CLIC5: variants seen among roughly 807,000 people sequenced by gnomAD.
CLIC5 encodes the protein CLIC family member 5.
CLIC5 carries 20 observed loss-of-function variants against 24.7 expected under a neutral mutation model. That is an observed-to-expected ratio of 0.81 (90% CI 0.57 to 1.18). CLIC5 has a LOEUF of 1.18. CLIC5 is among the 50% of genes most tolerant of loss of function. CLIC5 has a pLI of 0.00. For synonymous variants in CLIC5, 159 were observed against 135.6 expected (o/e 1.17, Z -1.20); for missense variants, 341 against 326.1 (o/e 1.05, Z -0.35).
chr6:46,066,539 C>T (rs1225664267), intron 1 of CLIC5, among the ~76,000 whole-genome samples: 4 of 152,016 alleles, frequency 2.6e-5, no homozygotes, highest in African/African-American at 9.7e-5. Context: ...AACTATCCCC[C>T]GCCCCCCATA....
At chr6:46,056,123 T>C (rs1419873150) in intron 1 of CLIC5, among the ~76,000 whole-genome samples, 1 of 152,118 alleles carries the variant, frequency 6.6e-6, no homozygotes, top group Non-Finnish European at 1.5e-5. Context: ...TAAAAAATAG[T>C]AAAAACTGAG....
At chr6:46,036,918 A>G (rs1351761796) in intron 1 of CLIC5, among the ~76,000 whole-genome samples, 1 of 152,252 alleles carries the variant, frequency 6.6e-6, no homozygotes, top group Admixed American at 6.5e-5. Context: ...TTAAAATAAG[A>G]TAATTAAAGT....
chr6:46,030,011 C>T (rs1292640425), intron 1 of CLIC5, among the ~76,000 whole-genome samples: 1 of 152,148 alleles, frequency 6.6e-6, no homozygotes, highest in Non-Finnish European at 1.5e-5. Flanking sequence ...AGGGGAGGCT[C>T]ATGAAGGTCC....
intron 1 of CLIC5, among the ~76,000 whole-genome samples, chr6:45,984,906 C>G (rs1226496872): frequency 1.3e-5 from 2 of 152,148 alleles, no homozygotes; most frequent in Non-Finnish European, 2.9e-5. Flanking sequence ...TGTCTTAATA[C>G]CAGGGAAACA....
At chr6:46,093,417 C>T in the CLIC5 span, among the ~76,000 whole-genome samples, 41 of 152,258 alleles carry the variant, frequency 2.7e-4, 1 homozygote, top group East Asian at 2.9e-3. Flanking sequence ...CTGTATTTCT[C>T]GGCATATCCA....
intron 1 of CLIC5, among the ~76,000 whole-genome samples, chr6:45,971,291 G>GT (rs1411025256): frequency 6.6e-6 from 1 of 152,192 alleles, no homozygotes; most frequent in Non-Finnish European, 1.5e-5. Flanking sequence ...AGAAGTATAT[G>GT]TAATCGTTGA....
intron 1 of CLIC5, among the ~76,000 whole-genome samples, chr6:45,984,835 G>A (rs904338036): frequency 6.6e-5 from 10 of 152,136 alleles, no homozygotes; most frequent in African/African-American, 2.4e-4. Context: ...GAGATGACTG[G>A]GTCTCAAGAA....
chr6:46,104,568 C>A, the CLIC5 span, among the ~76,000 whole-genome samples: 2 of 151,024 alleles, frequency 1.3e-5, no homozygotes, highest in Non-Finnish European at 2.9e-5. Flanking sequence ...GGGATTGCTT[C>A]TTCTATGCCT....
intron 1 of CLIC5, among the ~76,000 whole-genome samples, chr6:46,048,941 T>C (rs1170208489): frequency 6.6e-6 from 1 of 152,168 alleles, no homozygotes; most frequent in Non-Finnish European, 1.5e-5. Context: ...AAATCTAATT[T>C]GAGAATTCAA....
At chr6:46,121,389 T>G in the CLIC5 span, among the ~76,000 whole-genome samples, 4 of 144,788 alleles carry the variant, frequency 2.8e-5, no homozygotes, top group African/African-American at 1.0e-4. Flanking sequence ...GCTGAGAGAT[T>G]TTGTCACCAC....
chr6:45,947,198 C>T (rs1416748447), intron 3 of CLIC5, among the ~76,000 whole-genome samples: 1 of 152,190 alleles, frequency 6.6e-6, no homozygotes, highest in African/African-American at 2.4e-5. Context: ...TCTCTGTCCA[C>T]CTTGTGGTCC....
chr6:45,979,190 T>G (rs182112621), intron 1 of CLIC5, among the ~76,000 whole-genome samples: 19 of 152,276 alleles, frequency 1.2e-4, no homozygotes, highest in Admixed American at 5.2e-4. Context: ...ATAAGAATCT[T>G]CCCTTTATAT....
At chr6:46,080,191 T>C in exon 1 of CLIC5, 1 of 1,551,696 alleles carries the variant, frequency 6.4e-7, no homozygotes, top group Non-Finnish European at 8.7e-7. Flanking sequence ...ACCTCATACG[T>C]CCTCTCATTT....
chr6:45,912,378 T>A, intron 5 of CLIC5: 2 of 1,080,974 alleles, frequency 1.9e-6, no homozygotes, highest in African/African-American at 1.6e-5. Context: ...CACTGAGTAA[T>A]TTAAGGCAGG....
chr6:45,944,302 G>A (rs573794946), intron 3 of CLIC5, among the ~76,000 whole-genome samples: 1 of 151,652 alleles, frequency 6.6e-6, no homozygotes, highest in South Asian at 2.1e-4. Flanking sequence ...AAATATTATT[G>A]AAACAGCAAT....
chr6:46,095,743 T>C, the CLIC5 span, among the ~76,000 whole-genome samples: 7 of 152,324 alleles, frequency 4.6e-5, no homozygotes, highest in African/African-American at 1.7e-4. Context: ...TCCCAAACTT[T>C]CCCCCGTCTT....
intron 1 of CLIC5, among the ~76,000 whole-genome samples, chr6:45,961,648 A>C (rs1486149490): frequency 3.3e-5 from 5 of 151,916 alleles, no homozygotes; most frequent in Non-Finnish European, 5.9e-5. Context: ...TCTAGTTGTG[A>C]CTATTTTTTT....
Position 46,033,901 on chromosome 6 carries a change from T to C in CLIC5, c.540+45802A>G, listed in dbSNP as rs117984784. On this transcript the variant is annotated intron_variant, in intron 1 of 5. Transcript: ENST00000185206. The stretch of plus-strand genomic sequence containing the variant: ...AGACTGGTTTTAAGAGTAAGCAGAG[T>C]AGATGGCCAAAAAATGCTATGTTAA... Among the ~76,000 whole-genome samples the C allele has an allele frequency of 7.1e-4, 108 of 152,178 alleles. 1 individual carries two copies. The East Asian group carries it at 0.019, about 27-fold the overall frequency.
upstream of CLIC5, chr6:46,080,393 A>G (rs1014691703): frequency 8.0e-6 from 5 of 627,112 alleles, no homozygotes; most frequent in African/African-American, 1.8e-5. Context: ...GGTCTCTAAC[A>G]ATTATTTACT....
Sources: allele counts gnomAD v4.1 joint callset (sites outside exome capture counted in the v4.1 genomes callset), GRCh38; gene constraint gnomAD v4.1.1; transcripts MANE v1.5; gene names NCBI Gene and HGNC (gene_info 2026-07-23, HGNC 2026-07-21).